SDK1: variants seen among roughly 807,000 people sequenced by gnomAD.
SDK1 encodes sidekick cell adhesion molecule 1.
In SDK1, 157 loss-of-function variants were observed where a neutral mutation model predicts 245.5. That is an observed-to-expected ratio of 0.64 (90% confidence interval 0.56 to 0.73). The LOEUF (loss-of-function observed/expected upper bound fraction) is 0.73, where lower values mean the gene tolerates loss of function less well. Among genes scored for constraint, SDK1 ranks in the 30% least tolerant of loss-of-function variants. The pLI, the probability that SDK1 is intolerant of heterozygous loss-of-function variation, is 0.00. For missense variants in SDK1, 3,583 were observed against 3,002.3 expected (o/e 1.19, Z -4.52); for synonymous variants, 1,647 against 1,278.5 (o/e 1.29, Z -6.15).
intron 29 of SDK1, 65 bp downstream of exon 29, chr7:4,145,981 T>A: frequency 7.1e-7 from 1 of 1,415,902 alleles, no homozygotes; most frequent in Non-Finnish European, 9.6e-7. Flanking sequence ...AATCAGGCCC[T>A]CTGGGGTCTG....
intron 5 of SDK1, among the ~76,000 whole-genome samples, chr7:3,940,132 C>T (rs1446681027): frequency 2.7e-5 from 4 of 150,244 alleles, no homozygotes; most frequent in Admixed American, 6.6e-5. Flanking sequence ...GGAGGATGGC[C>T]GGAGCCACCC....
intron 1 of SDK1, among the ~76,000 whole-genome samples, chr7:3,303,632 A>G (rs922671108): frequency 6.6e-6 from 1 of 152,240 alleles, no homozygotes; most frequent in African/African-American, 2.4e-5. Flanking sequence ...TTTTACATTT[A>G]TATGGCTTAT....
intron 1 of SDK1, among the ~76,000 whole-genome samples, chr7:3,328,817 G>C (rs79927823): frequency 0.045 from 6,908 of 152,074 alleles, 492 homozygotes; most frequent in African/African-American, 0.15. Context: ...GTTAGTTCAG[G>C]TCATGGGCTG....
intron 5 of SDK1, among the ~76,000 whole-genome samples, chr7:3,829,894 G>A (rs780334696): frequency 5.3e-5 from 8 of 152,166 alleles, no homozygotes; most frequent in East Asian, 3.9e-4. Context: ...ACGTTTGGGC[G>A]GACAGCAAAC....
At chr7:4,076,433 G>A (rs1780683884) in intron 20 of SDK1, among the ~76,000 whole-genome samples, 1 of 152,176 alleles carries the variant, frequency 6.6e-6, no homozygotes, top group South Asian at 2.1e-4. Context: ...GTTCACGCCT[G>A]TGGTCCCAGC....
chr7:3,763,686 A>G (rs1341103605), intron 4 of SDK1, among the ~76,000 whole-genome samples: 6 of 152,210 alleles, frequency 3.9e-5, no homozygotes, highest in African/African-American at 1.2e-4. Context: ...CATGAGATTC[A>G]TAGATGCCAG....
chr7:3,438,057 G>A (rs1780081322), intron 1 of SDK1, among the ~76,000 whole-genome samples: 1 of 152,124 alleles, frequency 6.6e-6, no homozygotes, highest in African/African-American at 2.4e-5. Flanking sequence ...AATGGACTTG[G>A]AATAATTAAG....
intron 39 of SDK1, 93 bp downstream of exon 39, chr7:4,220,363 A>C: frequency 7.3e-7 from 1 of 1,370,212 alleles, no homozygotes; most frequent in Non-Finnish European, 1.0e-6. Context: ...CATGGTCAAC[A>C]AGGTGATGTT....
intron 1 of SDK1, among the ~76,000 whole-genome samples, chr7:3,594,719 G>A (rs1780996974): frequency 1.3e-5 from 2 of 152,100 alleles, no homozygotes; most frequent in Admixed American, 1.3e-4. Flanking sequence ...CATTTTTCCT[G>A]TGCTTATTAG....
chr7:3,987,394 C>T, intron 14 of SDK1, 72 bp downstream of exon 14: 1 of 1,520,134 alleles, frequency 6.6e-7, no homozygotes, highest in Non-Finnish European at 9.1e-7. Flanking sequence ...TGTCCTTAAC[C>T]TTTACTTCTG....
chr7:4,129,956 G>A lies in SDK1; in HGVS notation c.3988G>A (p.Val1330Met), dbSNP rs759207814. Residue 1330 changes from valine (V) to methionine (M), a missense_variant, in exon 27 of 45, where the codon GTG becomes ATG. Physicochemically the swap from Val to Met is conservative, Grantham distance 21. Transcript: ENST00000404826. ...DLDPEPRSHI[V>M]RGNHTQSALL... ...GGATCCCGAGCCCAGGAGCCACATC[G>A]TGCGAGGGAACCACACGCAGTCGGC... The A allele has an allele frequency of 1.6e-5, 26 of 1,613,720 alleles. No homozygotes were observed. Among genetic ancestry groups the A allele is most frequent in the East Asian group, 1.6e-4 (7 of 44,876 alleles).
At chr7:4,168,602 C>T (rs1251784002) in intron 32 of SDK1, among the ~76,000 whole-genome samples, 1 of 152,182 alleles carries the variant, frequency 6.6e-6, no homozygotes, top group Non-Finnish European at 1.5e-5. Context: ...CCTGAGCTTC[C>T]CTCCTCCCCC....
Position 3,885,127 on chromosome 7 carries a change from C to T in SDK1, c.847+63544C>T, listed in dbSNP as rs576492663. 1.2e-4 allele frequency among the ~76,000 whole-genome samples: 18 copies of T among 151,840 alleles called. No homozygotes were observed. In the South Asian group the frequency reaches 1.5e-3, roughly 12 times the overall value. The stretch of plus-strand genomic sequence containing the variant: ...AAACCTGCCCATCCCTAAGGCTGTT[C>T]TGGTAATTCGGGAATGAGGGATGTC... On this transcript the variant is annotated intron_variant, in intron 5 of 44. Coordinates refer to ENST00000404826, the MANE Select transcript of SDK1 (RefSeq NM_152744.4).
At chr7:4,217,036 AGGC>A (rs1562445294) in intron 38 of SDK1, among the ~76,000 whole-genome samples, 31 of 81,824 alleles carry the variant, frequency 3.8e-4, no homozygotes, top group Admixed American at 5.8e-4. Flanking sequence ...CCGGAGCACC[AGGC>A]CACCCGGAGC....
chr7:3,999,566 G>A (rs985573018), intron 14 of SDK1, among the ~76,000 whole-genome samples: 22 of 152,240 alleles, frequency 1.4e-4, no homozygotes, highest in Admixed American at 3.3e-4. Flanking sequence ...CTGGTGCCTC[G>A]GGGCGGGGGA....
chr7:3,603,101 G>A (rs1215760941), intron 1 of SDK1, among the ~76,000 whole-genome samples: 2 of 151,126 alleles, frequency 1.3e-5, no homozygotes, highest in Non-Finnish European at 1.5e-5. Flanking sequence ...AGTATAGTTT[G>A]AAGTCAGGTA....
chr7:3,827,359 C>T (rs1036086128), intron 5 of SDK1, among the ~76,000 whole-genome samples: 2 of 152,054 alleles, frequency 1.3e-5, no homozygotes, highest in African/African-American at 2.4e-5. Context: ...TGCAACTGCT[C>T]CTTTCTTTCC....
chr7:3,959,060 A>G, intron 8 of SDK1, 46 bp downstream of exon 8: 1 of 1,434,256 alleles, frequency 7.0e-7, no homozygotes, highest in Non-Finnish European at 9.8e-7. Flanking sequence ...ACTGGGAGGA[A>G]GGGAAACAAC....
chr7:4,195,510 G>A (rs1191522792), intron 35 of SDK1, among the ~76,000 whole-genome samples: 1 of 152,166 alleles, frequency 6.6e-6, no homozygotes, highest in Non-Finnish European at 1.5e-5. Flanking sequence ...TCCCGCCTGG[G>A]AGTCTCTTGG....
Sources: allele counts gnomAD v4.1 joint callset (sites outside exome capture counted in the v4.1 genomes callset), GRCh38; gene constraint gnomAD v4.1.1; transcripts MANE v1.5; gene names NCBI Gene and HGNC (gene_info 2026-07-23, HGNC 2026-07-21).